CNTN1: variants seen among roughly 807,000 people sequenced by gnomAD.
CNTN1 encodes contactin 1, also known as contactin-1.
Under a neutral mutation model 126.4 loss-of-function variants are expected in CNTN1, and 38 were observed. The observed-to-expected ratio is 0.30, with a 90% CI of 0.23 to 0.39. The LOEUF is 0.39. Among genes scored for constraint, CNTN1 ranks in the 10% least tolerant of loss-of-function variants. CNTN1 has a pLI of 1.00. For synonymous variants in CNTN1, 413 were observed against 422.6 expected (o/e 0.98, Z 0.28); for missense variants, 1,009 against 1,248.4 (o/e 0.81, Z 2.89).
intron 1 of CNTN1, among the ~76,000 whole-genome samples, chr12:40,743,221 C>T (rs996586167): frequency 4.6e-5 from 7 of 152,088 alleles, no homozygotes; most frequent in South Asian, 4.2e-4. Context: ...GAGTTTGGAA[C>T]GAACACAAGG....
intron 15 of CNTN1, among the ~76,000 whole-genome samples, chr12:40,962,246 C>T (rs893912737): frequency 6.6e-6 from 1 of 151,878 alleles, no homozygotes; most frequent in Admixed American, 6.6e-5. Flanking sequence ...CCCTAATCAA[C>T]ATGTGTGTGT....
intron 1 of CNTN1, among the ~76,000 whole-genome samples, chr12:40,847,458 G>T (rs922180991): frequency 6.6e-6 from 1 of 151,878 alleles, no homozygotes; most frequent in African/African-American, 2.4e-5. Context: ...AATTTCTGTA[G>T]CAAAGTACTT....
intron 1 of CNTN1, among the ~76,000 whole-genome samples, chr12:40,861,145 T>A (rs2136643327): frequency 6.6e-6 from 1 of 152,270 alleles, no homozygotes; most frequent in South Asian, 2.1e-4. Context: ...AATTGAAGCC[T>A]ATTTGCTAAC....
chr12:41,013,151 C>T (rs1948703443), intron 17 of CNTN1, among the ~76,000 whole-genome samples: 1 of 152,138 alleles, frequency 6.6e-6, no homozygotes, highest in Admixed American at 6.5e-5. Context: ...ATGATGTTTA[C>T]ATAGTGCGTG....
rs1948885256 is a variant in CNTN1, at chr12:41,020,587, A to C, written c.2523+147A>C. On this transcript the variant is annotated intron_variant, in intron 20 of 23. Coordinates refer to ENST00000551295, the MANE Select transcript of CNTN1 (RefSeq NM_001843.4). ...GTGTCTAGTATTGTGGTCATATATAAGTTAATTGTTAAGAATAAAACAGGG... is the reference window on the plus strand; with the variant it reads ...GTGTCTAGTATTGTGGTCATATATACGTTAATTGTTAAGAATAAAACAGGG... 10 of 611,442 alleles carry C rather than the reference A, an allele frequency of 1.6e-5. No homozygotes were observed. In the East Asian group the frequency reaches 2.9e-4, roughly 18 times the overall value. The allele number at this position is 611,442 out of a possible 1,614,324, so 37.9% of individuals were successfully genotyped here.
At chr12:41,055,318 A>C (rs1420122677) in intron 23 of CNTN1, among the ~76,000 whole-genome samples, 35 of 152,108 alleles carry the variant, frequency 2.3e-4, no homozygotes, top group Non-Finnish European at 4.4e-5. Flanking sequence ...CTTTTTCACA[A>C]TGCATTTCTT....
chr12:40,978,893 C>A (rs1272172527), intron 15 of CNTN1: 2 of 152,134 alleles, frequency 1.3e-5, no homozygotes, highest in African/African-American at 4.8e-5. Context: ...TGAATGCATG[C>A]ATTACAGGGC....
chr12:40,985,937 T>A (rs1024449045), intron 16 of CNTN1, among the ~76,000 whole-genome samples: 3 of 152,080 alleles, frequency 2.0e-5, no homozygotes, highest in Non-Finnish European at 4.4e-5. Flanking sequence ...AATGGCTAAT[T>A]TCCTCTCTTG....
chr12:40,874,966 G>C (rs1267796322), intron 1 of CNTN1, among the ~76,000 whole-genome samples: 4 of 152,044 alleles, frequency 2.6e-5, no homozygotes, highest in African/African-American at 9.7e-5. Context: ...GGTGTTCCTG[G>C]AAATAAAAAT....
At chr12:40,744,311 A>AT (rs146850968) in intron 1 of CNTN1, among the ~76,000 whole-genome samples, 3 of 146,952 alleles carry the variant, frequency 2.0e-5, no homozygotes, top group East Asian at 1.9e-4. Flanking sequence ...AAATAAAAAA[A>AT]AAATAAAAGA....
chr12:40,927,942 T>G (rs899624378), intron 6 of CNTN1, among the ~76,000 whole-genome samples: 6 of 152,062 alleles, frequency 3.9e-5, no homozygotes, highest in African/African-American at 1.4e-4. Flanking sequence ...CAGGAAAATG[T>G]CTTACATTTT....
chr12:40,865,509 CA>C (rs1943265546), intron 1 of CNTN1, among the ~76,000 whole-genome samples: 1 of 152,036 alleles, frequency 6.6e-6, no homozygotes, highest in Non-Finnish European at 1.5e-5. Flanking sequence ...TATTCTGAAT[CA>C]TTTTTTTGGT....
At chr12:40,822,102 ACTT>A (rs1240335258) in intron 1 of CNTN1, among the ~76,000 whole-genome samples, 1 of 147,866 alleles carries the variant, frequency 6.8e-6, no homozygotes, top group Non-Finnish European at 1.5e-5. Context: ...ATATTTATAT[ACTT>A]CTCAATGTTT....
intron 16 of CNTN1, among the ~76,000 whole-genome samples, chr12:40,983,468 CGTGTGTGT>C (rs141568233): frequency 6.9e-6 from 1 of 145,892 alleles, no homozygotes; most frequent in Non-Finnish European, 1.5e-5. Flanking sequence ...TGATATTCAC[CGTGTGTGT>C]GTGTGTGTGT....
intron 1 of CNTN1, among the ~76,000 whole-genome samples, chr12:40,872,901 C>T (rs1943551599): frequency 6.6e-6 from 1 of 152,086 alleles, no homozygotes; most frequent in African/African-American, 2.4e-5. Context: ...TGCATATTTA[C>T]AGCAACCTTA....
chr12:40,787,951 C>T lies in CNTN1; in HGVS notation c.-77+95359C>T, dbSNP rs149877814. Among the ~76,000 whole-genome samples, 15 of 152,162 alleles carry T rather than the reference C, an allele frequency of 9.9e-5. No homozygotes were observed. In the East Asian group the frequency reaches 2.9e-3, roughly 29 times the overall value. On this transcript the variant is annotated intron_variant, in intron 1 of 23. Coordinates refer to ENST00000551295, the MANE Select transcript of CNTN1 (RefSeq NM_001843.4). ...TAGTGTTAAACAGAATTGGTTTGAA[C>T]CCTGGCTTTGCAAACTACTAGCTGT...
intron 23 of CNTN1, among the ~76,000 whole-genome samples, chr12:41,034,596 T>G (rs149859197): frequency 3.1e-4 from 47 of 152,338 alleles, no homozygotes; most frequent in Admixed American, 1.0e-3. Context: ...TCAACCATCT[T>G]GAAATAACCA....
chr12:41,058,611 AAAG>A (rs1199684236), intron 23 of CNTN1, among the ~76,000 whole-genome samples: 7 of 152,162 alleles, frequency 4.6e-5, no homozygotes, highest in African/African-American at 1.7e-4. Context: ...TTTAACTTAA[AAAG>A]AATTTGAAAA....
intron 18 of CNTN1, among the ~76,000 whole-genome samples, chr12:41,015,363 A>C (rs1477132079): frequency 1.3e-5 from 2 of 152,190 alleles, no homozygotes; most frequent in Non-Finnish European, 2.9e-5. Context: ...GGCCTTATAA[A>C]AAATTCAGTA....
Sources: gnomAD v4.1 joint callset for allele counts (sites outside exome capture counted in the v4.1 genomes callset) on GRCh38, gnomAD v4.1.1 for gene constraint, MANE v1.5 for transcripts, NCBI Gene and HGNC (gene_info 2026-07-23, HGNC 2026-07-21) for gene names.